RABGAP1L: variants seen among roughly 807,000 people sequenced by gnomAD.
RABGAP1L encodes the protein rab GTPase-activating protein 1-like.
In RABGAP1L, 63 loss-of-function variants were observed where a neutral mutation model predicts 137.7. That is an observed-to-expected ratio of 0.46 (90% CI 0.37 to 0.56). The LOEUF is 0.56. Ranked by LOEUF, RABGAP1L falls within the 20% of genes least tolerant of loss-of-function variation. The pLI, the probability that RABGAP1L is intolerant of heterozygous loss-of-function variation, is 0.00. For synonymous variants in RABGAP1L, 431 were observed against 433.7 expected (o/e 0.99, Z 0.08); for missense variants, 1,095 against 1,244.0 (o/e 0.88, Z 1.80).
At chr1:174,293,468 A>G (rs1475160357) in intron 10 of RABGAP1L, among the ~76,000 whole-genome samples, 1 of 152,224 alleles carries the variant, frequency 6.6e-6, no homozygotes, top group Non-Finnish European at 1.5e-5. Context: ...TTCTTGTTAC[A>G]TGCTAACTCC....
chr1:174,210,967 T>C (rs1383462180), intron 1 of RABGAP1L, among the ~76,000 whole-genome samples: 3 of 152,166 alleles, frequency 2.0e-5, no homozygotes, highest in Non-Finnish European at 2.9e-5. Context: ...GAAAAAACTT[T>C]TACTCTAGAA....
chr1:174,247,572 C>G (rs1353825694), intron 5 of RABGAP1L, among the ~76,000 whole-genome samples: 1 of 152,200 alleles, frequency 6.6e-6, no homozygotes, highest in Non-Finnish European at 1.5e-5. Flanking sequence ...GAAACCGGGT[C>G]CACCCAACAT....
intron 17 of RABGAP1L, among the ~76,000 whole-genome samples, chr1:174,718,917 A>G (rs1249160203): frequency 2.1e-5 from 3 of 143,124 alleles, no homozygotes; most frequent in African/African-American, 7.9e-5. Flanking sequence ...TCGGCTCACC[A>G]CAACCTCTGC....
intron 20 of RABGAP1L, chr1:174,964,931 AATT>A: frequency 6.7e-7 from 1 of 1,490,252 alleles, no homozygotes; most frequent in Non-Finnish European, 8.9e-7. Flanking sequence ...CTTTTTTTTT[AATT>A]GTCTTTGTAC....
At chr1:174,518,058 C>T (rs528623441) in intron 13 of RABGAP1L, among the ~76,000 whole-genome samples, 3 of 152,094 alleles carry the variant, frequency 2.0e-5, no homozygotes, top group African/African-American at 7.2e-5. Context: ...CATGGTCGTA[C>T]ATTAAAATCG....
intron 18 of RABGAP1L, among the ~76,000 whole-genome samples, chr1:174,778,411 C>CA (rs527723382): frequency 9.8e-4 from 149 of 152,240 alleles, no homozygotes; most frequent in African/African-American, 3.5e-3. Context: ...AAGGAAGAAG[C>CA]AAAATAATAC....
At chr1:174,542,236 G>A (rs1665527266) in intron 13 of RABGAP1L, among the ~76,000 whole-genome samples, 1 of 152,128 alleles carries the variant, frequency 6.6e-6, no homozygotes, top group Admixed American at 6.5e-5. Flanking sequence ...ACTTTTTTTG[G>A]TTGGTAAGCT....
chr1:174,497,499 A>G (rs1472974247), intron 13 of RABGAP1L, among the ~76,000 whole-genome samples: 1 of 152,038 alleles, frequency 6.6e-6, no homozygotes, highest in Non-Finnish European at 1.5e-5. Context: ...TGTTTGTGTA[A>G]ATTCTGTCTT....
At chr1:174,188,931 G>A (rs192382328) in intron 1 of RABGAP1L, among the ~76,000 whole-genome samples, 3 of 152,274 alleles carry the variant, frequency 2.0e-5, no homozygotes, top group Admixed American at 1.3e-4. Flanking sequence ...AGCCTCTAAC[G>A]AGAGTCAGCA....
chr1:174,534,539 G>A (rs1341430775), intron 13 of RABGAP1L, among the ~76,000 whole-genome samples: 2 of 152,038 alleles, frequency 1.3e-5, no homozygotes, highest in African/African-American at 2.4e-5. Context: ...CTCTTTGGGA[G>A]GCTGAGGTGG....
At chr1:174,729,665 C>T (rs1682295873) in intron 17 of RABGAP1L, among the ~76,000 whole-genome samples, 2 of 152,076 alleles carry the variant, frequency 1.3e-5, no homozygotes, top group Non-Finnish European at 2.9e-5. Flanking sequence ...ACAAAGGACA[C>T]GAACAGACAC....
intron 13 of RABGAP1L, among the ~76,000 whole-genome samples, chr1:174,632,431 T>C (rs1441960860): frequency 3.3e-4 from 49 of 149,062 alleles, no homozygotes; most frequent in East Asian, 1.6e-3. Flanking sequence ...TGAATCTGAA[T>C]GTTGGCCTGC....
In RABGAP1L at chr1:174,935,872, T is replaced by A. The variant is rs201719168; in HGVS notation, c.2341-21585T>A. Reference sequence around the variant, plus strand: ...GGCACATGCCTGTAATCCCAGCTACTCAGAAGGCTGAGGCAGGAGAATCGC... The same window carrying A: ...GGCACATGCCTGTAATCCCAGCTACACAGAAGGCTGAGGCAGGAGAATCGC... On this transcript the variant is annotated intron_variant, in intron 19 of 25. Coordinates refer to ENST00000681986, the MANE Select transcript of RABGAP1L (RefSeq NM_001366446.1). Among the ~76,000 whole-genome samples the A allele has an allele frequency of 8.1e-5, 12 of 148,940 alleles. 1 individual carries two copies. The East Asian group carries it at 2.4e-3, about 30-fold the overall frequency.
chr1:174,678,410 A>G (rs1273085060), intron 14 of RABGAP1L, among the ~76,000 whole-genome samples: 1 of 152,132 alleles, frequency 6.6e-6, no homozygotes, highest in Non-Finnish European at 1.5e-5. Context: ...GGCATTACCA[A>G]AGAAGTTACA....
chr1:174,686,452 G>C (rs760138013), intron 15 of RABGAP1L, among the ~76,000 whole-genome samples: 2 of 151,872 alleles, frequency 1.3e-5, no homozygotes, highest in Middle Eastern at 3.2e-3. Context: ...AGGGGCCCTT[G>C]TTCCCCTTCT....
intron 19 of RABGAP1L, among the ~76,000 whole-genome samples, chr1:174,895,654 C>T (rs1360078972): frequency 6.6e-6 from 1 of 151,648 alleles, no homozygotes; most frequent in African/African-American, 2.4e-5. Context: ...CAAGTGTTCT[C>T]ATTGTTCAGT....
chr1:174,654,761 A>G (rs1675840900), intron 14 of RABGAP1L, among the ~76,000 whole-genome samples: 2 of 152,182 alleles, frequency 1.3e-5, no homozygotes, highest in African/African-American at 4.8e-5. Context: ...ACTTACATAT[A>G]GGAATTTTGC....
At chr1:174,349,153 C>T (rs1417922443) in intron 11 of RABGAP1L, among the ~76,000 whole-genome samples, 5 of 123,030 alleles carry the variant, frequency 4.1e-5, no homozygotes, top group African/African-American at 1.7e-4. Flanking sequence ...CAGAGGGGCT[C>T]CTCACTTCCC....
intron 13 of RABGAP1L, among the ~76,000 whole-genome samples, chr1:174,480,464 A>G (rs1658967228): frequency 1.3e-5 from 2 of 152,242 alleles, no homozygotes; most frequent in African/African-American, 4.8e-5. Flanking sequence ...GAATTAAAGC[A>G]AACTGCAGTG....
Sources: allele counts gnomAD v4.1 joint callset (sites outside exome capture counted in the v4.1 genomes callset), GRCh38; gene constraint gnomAD v4.1.1; transcripts MANE v1.5; gene names NCBI Gene and HGNC (gene_info 2026-07-23, HGNC 2026-07-21).